The following PCNX2 variants were observed in gnomAD, a reference collection of about 807,000 sequenced individuals.
The protein encoded by PCNX2 is pecanex 2, also known as pecanex-like protein 2.
A neutral mutation model predicts 223.8 loss-of-function variants in PCNX2; 168 were observed. The observed-to-expected ratio is 0.75, with a 90% confidence interval of 0.66 to 0.85. The LOEUF (loss-of-function observed/expected upper bound fraction) is 0.85. PCNX2 is among the 40% of genes least tolerant of loss of function. PCNX2 has a pLI of 0.00. For missense variants in PCNX2, 2,507 were observed against 2,675.5 expected (o/e 0.94, Z 1.39); for synonymous variants, 1,006 against 1,052.6 (o/e 0.96, Z 0.86).
intron 27 of PCNX2, 148 bp from the exon 28 acceptor site, chr1:233,014,925 C>T (rs1670597801): frequency 3.9e-6 from 2 of 513,684 alleles, no homozygotes; most frequent in Non-Finnish European, 6.9e-6. Context: ...AGGGAATGCT[C>T]AGCTTCCTGA....
At chr1:233,167,491 CA>C (rs1364096616) in intron 17 of PCNX2, among the ~76,000 whole-genome samples, 11 of 152,130 alleles carry the variant, frequency 7.2e-5, no homozygotes, top group Non-Finnish European at 1.5e-4. Context: ...ATCTAATGTA[CA>C]TGAGAACTAT....
rs1043942520 is a variant in PCNX2, at chr1:233,277,547, C to T, written c.154-14384G>A. Among the ~76,000 whole-genome samples the T allele has an allele frequency of 2.8e-5, 4 of 143,952 alleles. No homozygotes were observed. In the South Asian group the frequency reaches 9.4e-4, roughly 34 times the overall value. The allele number at this position is 143,952 out of a possible 152,430, so 94.4% of individuals were successfully genotyped here. ...CTAAATGGGGAGATCAGATTAACAT[C>T]GGTAAAGTAGTATTTAAACACTACA... On this transcript the variant is annotated intron_variant, in intron 1 of 33. Transcript: ENST00000258229.
chr1:233,213,816 CTTTTTTTTTTTTTTTTT>C (rs71173256), intron 12 of PCNX2, among the ~76,000 whole-genome samples: 1 of 65,226 alleles, frequency 1.5e-5, no homozygotes, highest in African/African-American at 6.4e-5. Context: ...CCAGTGCACT[CTTTTTTTTTTTTTTTTT>C]TTTTTTTTTT....
chr1:233,161,361 C>G lies in PCNX2; in HGVS notation c.3276G>C (p.Thr1092=), dbSNP rs146305724. 1 of 1,613,488 alleles carries G rather than the reference C, an allele frequency of 6.2e-7. No individual in the cohort carries two copies. Among genetic ancestry groups the G allele is most frequent in the South Asian group, 1.1e-5 (1 of 90,968 alleles). Residue 1092 remains threonine, a splice_region_variant and synonymous_variant, in exon 18 of 34, where the codon ACG becomes ACC. Coordinates refer to ENST00000258229, the MANE Select transcript of PCNX2 (RefSeq NM_014801.4). ...CGATGAGATCCCATTTTAAGACATC[C>G]GTCTGGAAAGAGAAAACCAGCGGTA... ...PLPKKMKDSV[T]DVLKWDLIVC... is the part of the protein sequence containing the mutation.
intron 25 of PCNX2, among the ~76,000 whole-genome samples, chr1:233,048,873 T>G (rs1671905289): frequency 6.6e-6 from 1 of 152,184 alleles, no homozygotes; most frequent in Admixed American, 6.5e-5. Context: ...GAGACTATTA[T>G]GAATATCTCT....
intron 26 of PCNX2, among the ~76,000 whole-genome samples, chr1:233,023,802 T>A (rs1418515969): frequency 6.6e-6 from 1 of 152,248 alleles, no homozygotes; most frequent in Non-Finnish European, 1.5e-5. Flanking sequence ...GTTGTAAACA[T>A]GCTGCCACAG....
intron 17 of PCNX2, among the ~76,000 whole-genome samples, chr1:233,173,853 G>C (rs4649437): frequency 0.13 from 20,362 of 151,628 alleles, 1,523 homozygotes; most frequent in East Asian, 0.22. Context: ...GTTATTTCTG[G>C]TATGTTAGAA....
intron 25 of PCNX2, among the ~76,000 whole-genome samples, chr1:233,047,620 C>T (rs1671864714): frequency 6.6e-6 from 1 of 152,194 alleles, no homozygotes; most frequent in Admixed American, 6.5e-5. Context: ...AAGGGTATTA[C>T]ATAATGATAA....
At chr1:233,141,342 T>G (rs1677098525) in intron 19 of PCNX2, among the ~76,000 whole-genome samples, 1 of 152,186 alleles carries the variant, frequency 6.6e-6, no homozygotes, top group Non-Finnish European at 1.5e-5. Context: ...TCTTGGTAAC[T>G]CAAAAACAAA....
chr1:233,157,768 C>A (rs1213931482), intron 19 of PCNX2, among the ~76,000 whole-genome samples: 1 of 152,176 alleles, frequency 6.6e-6, no homozygotes, highest in Non-Finnish European at 1.5e-5. Context: ...GGGCTTAAAT[C>A]ATCTTTAAAT....
intron 28 of PCNX2, among the ~76,000 whole-genome samples, chr1:233,013,877 G>A (rs1434553824): frequency 6.6e-6 from 1 of 152,158 alleles, no homozygotes; most frequent in Non-Finnish European, 1.5e-5. Context: ...CTGACAGGAG[G>A]TTTTAACGTG....
chr1:233,292,012 C>A, intron 1 of PCNX2: 1 of 977,834 alleles, frequency 1.0e-6, no homozygotes, highest in Non-Finnish European at 1.2e-6. Context: ...ACATTTCTCA[C>A]AAATATATAC....
rs766878027 is a variant in PCNX2, at chr1:232,998,433, C to T, written c.5609G>A (p.Arg1870Gln). 23 of 1,611,444 alleles carry T rather than the reference C, an allele frequency of 1.4e-5. No homozygotes were observed. The highest frequency in any genetic ancestry group is 4.4e-5 in the South Asian group (4 of 90,670). ...GTGCTGGCGGGCATTGCAATCCTTC[C>T]GCATCCTGTGGGAGGGAGAAGTCCT... is the stretch of plus-strand genomic sequence containing the variant. ...TWFWTKWVRM[R>Q]KDCNARQHSG... The change falls in exon 32 of 34, where the codon CGG (arginine) becomes CAG (glutamine). Residue 1870 changes from arginine (R) to glutamine (Q), a missense_variant. Physicochemically the swap from Arg to Gln is conservative, Grantham distance 43. Transcript: ENST00000258229.
chr1:233,258,448 A>G lies in PCNX2; in HGVS notation c.1414T>C (p.Ser472Pro). 1.9e-6 allele frequency: 3 copies of G among 1,613,830 alleles called. No homozygotes were observed. Reference sequence around the variant, plus strand: ...TTGATGGCATTTCCCCCCTCCCCAGATCCGTAGCCAGAACACTGATTGGTG... The same window carrying G: ...TTGATGGCATTTCCCCCCTCCCCAGGTCCGTAGCCAGAACACTGATTGGTG... ...VSTNQCSGYG[S>P]GEGGNAIKDH... is the part of the protein sequence containing the mutation. The change falls in exon 5 of 34, where the codon TCT becomes CCT. Residue 472 changes from serine to proline, a missense_variant. Coordinates refer to ENST00000258229, the MANE Select transcript of PCNX2 (RefSeq NM_014801.4).
chr1:233,233,859 T>G (rs1558374028), intron 9 of PCNX2, among the ~76,000 whole-genome samples: 1 of 152,008 alleles, frequency 6.6e-6, no homozygotes, highest in Non-Finnish European at 1.5e-5. Context: ...ACACCTGCTT[T>G]CAGCCTCACC....
chr1:233,265,499 T>A (rs746967853), intron 1 of PCNX2, among the ~76,000 whole-genome samples: 27 of 152,160 alleles, frequency 1.8e-4, no homozygotes, highest in Non-Finnish European at 2.9e-4. Flanking sequence ...CTTTTCCTCT[T>A]TACTTGGTGA....
intron 21 of PCNX2, among the ~76,000 whole-genome samples, chr1:233,096,603 C>T (rs1674184461): frequency 6.6e-6 from 1 of 152,106 alleles, no homozygotes; most frequent in Admixed American, 6.6e-5. Context: ...GTCAGTATCC[C>T]ACCAGGATTT....
In PCNX2 at chr1:233,232,135, A is replaced by G. The variant is rs548274505; in HGVS notation, c.2358+4710T>C. On this transcript the variant is annotated intron_variant, in intron 9 of 33. Transcript: ENST00000258229. Reference sequence around the variant, plus strand: ...GAATTATCCTATTATAACAGTGGCTATGTTTAGCAGCCAAAATTAATAACA... The same window carrying G: ...GAATTATCCTATTATAACAGTGGCTGTGTTTAGCAGCCAAAATTAATAACA... Among the ~76,000 whole-genome samples the G allele has an allele frequency of 3.2e-4, 48 of 152,350 alleles. 1 individual carries two copies. The highest frequency in any genetic ancestry group is 6.8e-3 in the Middle Eastern group (2 of 294).
chr1:233,150,288 G>A (rs1677722207), intron 19 of PCNX2, among the ~76,000 whole-genome samples: 4 of 152,160 alleles, frequency 2.6e-5, no homozygotes, highest in Admixed American at 2.6e-4. Flanking sequence ...GGAGGGTACT[G>A]GGTTTGCTTC....
Sources: gnomAD v4.1 joint callset for allele counts (sites outside exome capture counted in the v4.1 genomes callset) on GRCh38, gnomAD v4.1.1 for gene constraint, MANE v1.5 for transcripts, NCBI Gene and HGNC (gene_info 2026-07-23, HGNC 2026-07-21) for gene names.